Variants in SKIC2 observed in about 807,000 individuals in gnomAD.
SKIC2 encodes superkiller complex protein 2.
At chr6:31,968,736 G>A in the SKIC2 span, 1 of 1,612,986 alleles carries the variant, frequency 6.2e-7, no homozygotes, top group East Asian at 2.2e-5. This position sits in a 1 kb window ranked among gnomAD's most constrained non-coding sequence, Gnocchi z 6.1. Context: ...TGGAGCGGCT[G>A]CGCTTCCTAC....
chr6:31,969,606 G>C, the SKIC2 span: 2 of 1,613,004 alleles, frequency 1.2e-6, no homozygotes, highest in Admixed American at 1.7e-5. This position sits in a 1 kb window ranked among gnomAD's most constrained non-coding sequence, Gnocchi z 6.1. Flanking sequence ...CGCTCACTGC[G>C]GGGGGCAGCC....
the SKIC2 span, chr6:31,962,809 T>C: frequency 1.9e-6 from 3 of 1,597,890 alleles, no homozygotes; most frequent in Non-Finnish European, 2.6e-6. This position sits in a 1 kb window ranked among gnomAD's most constrained non-coding sequence, Gnocchi z 5.0. Context: ...GTAAGGGCCA[T>C]GGGCTCCCCA....
chr6:31,963,000 G>T, the SKIC2 span: 1 of 1,612,040 alleles, frequency 6.2e-7, no homozygotes, highest in Non-Finnish European at 8.5e-7. This position sits in a 1 kb window ranked among gnomAD's most constrained non-coding sequence, Gnocchi z 5.0. Context: ...GGTCGTGTGG[G>T]AGGAGGTGCT....
chr6:31,959,975 C>T, the SKIC2 span: 1 of 1,448,836 alleles, frequency 6.9e-7, no homozygotes, highest in Non-Finnish European at 9.7e-7. Flanking sequence ...ATCCTCTTTC[C>T]TTACCTAATG....
chr6:31,960,057 A>G, the SKIC2 span: 1 of 1,613,088 alleles, frequency 6.2e-7, no homozygotes, highest in South Asian at 1.1e-5. Context: ...AGCAAGAAGC[A>G]GAACAGTTGT....
the SKIC2 span, chr6:31,964,205 C>T: frequency 6.2e-7 from 1 of 1,610,946 alleles, no homozygotes; most frequent in Non-Finnish European, 8.5e-7. The surrounding 1 kb of genome is among the most constrained non-coding windows in gnomAD (Gnocchi z 5.0). Context: ...GACTCCATCC[C>T]TGACCATGGG....
the SKIC2 span, chr6:31,968,134 G>T: frequency 6.2e-7 from 1 of 1,608,446 alleles, no homozygotes; most frequent in Non-Finnish European, 8.5e-7. The surrounding 1 kb of genome is among the most constrained non-coding windows in gnomAD (Gnocchi z 6.1). Flanking sequence ...GTAGAGGCAG[G>T]GAGGGGCAGT....
At chr6:31,968,503 G>A in the SKIC2 span, 9 of 1,612,942 alleles carry the variant, frequency 5.6e-6, no homozygotes, top group Admixed American at 1.0e-4. The surrounding 1 kb of genome is among the most constrained non-coding windows in gnomAD (Gnocchi z 6.1). Context: ...GATCCAGGGG[G>A]CTCAGTGTGT....
the SKIC2 span, chr6:31,967,839 G>C: frequency 5.6e-6 from 9 of 1,612,920 alleles, no homozygotes; most frequent in Non-Finnish European, 7.6e-6. This position sits in a 1 kb window ranked among gnomAD's most constrained non-coding sequence, Gnocchi z 4.9. Context: ...GACCTCGTGG[G>C]ATTCAAGCTG....
At chr6:31,962,424 A>C in the SKIC2 span, 13 of 1,613,512 alleles carry the variant, frequency 8.1e-6, no homozygotes, top group Non-Finnish European at 1.1e-5. This position sits in a 1 kb window ranked among gnomAD's most constrained non-coding sequence, Gnocchi z 5.0. Context: ...GGCTAACTTC[A>C]TGCTCTCTTC....
chr6:31,969,597 G>C, the SKIC2 span: 9 of 1,613,322 alleles, frequency 5.6e-6, no homozygotes, highest in Non-Finnish European at 7.6e-6. The surrounding 1 kb of genome is among the most constrained non-coding windows in gnomAD (Gnocchi z 6.1). Context: ...GAGATGTGTC[G>C]CTCACTGCGG....
the SKIC2 span, chr6:31,967,798 G>A: frequency 1.9e-6 from 3 of 1,612,592 alleles, no homozygotes; most frequent in Non-Finnish European, 2.5e-6. The surrounding 1 kb of genome is among the most constrained non-coding windows in gnomAD (Gnocchi z 4.9). Context: ...AGGACAGGGG[G>A]CCAGCCACTG....
chr6:31,959,589 T>C, the SKIC2 span: 8 of 573,750 alleles, frequency 1.4e-5, no homozygotes, highest in South Asian at 9.1e-5. Flanking sequence ...CAGAAAGGGC[T>C]GGGGATATTT....
At chr6:31,965,702 A>G in the SKIC2 span, 1 of 807,540 alleles carries the variant, frequency 1.2e-6, no homozygotes, top group Non-Finnish European at 2.1e-6. The surrounding 1 kb of genome is among the most constrained non-coding windows in gnomAD (Gnocchi z 5.6). Context: ...TTATGCCTAC[A>G]AAGTAAGGTG....
At chr6:31,964,438 G>C in the SKIC2 span, 2 of 895,106 alleles carry the variant, frequency 2.2e-6, no homozygotes, top group Non-Finnish European at 3.6e-6. This position sits in a 1 kb window ranked among gnomAD's most constrained non-coding sequence, Gnocchi z 5.0. Flanking sequence ...GCAGGCCAGT[G>C]CTGTGGTTAA....
At chr6:31,968,056 C>A in the SKIC2 span, 1 of 1,612,994 alleles carries the variant, frequency 6.2e-7, no homozygotes, top group Admixed American at 1.7e-5. The surrounding 1 kb of genome is among the most constrained non-coding windows in gnomAD (Gnocchi z 6.1). Context: ...TGGAGGACTT[C>A]AGCAAGAGGC....
chr6:31,959,215 G>T, the SKIC2 span: 1 of 1,608,898 alleles, frequency 6.2e-7, no homozygotes, highest in Admixed American at 1.7e-5. Context: ...GAGCGACTTG[G>T]TGAGGGGGAG....
the SKIC2 span, chr6:31,966,723 G>A: frequency 1.9e-6 from 3 of 1,614,140 alleles, no homozygotes; most frequent in Non-Finnish European, 2.5e-6. This position sits in a 1 kb window ranked among gnomAD's most constrained non-coding sequence, Gnocchi z 5.9. Context: ...AGCCGTCCCA[G>A]CTGCAGTCCC....
chr6:31,962,378 G>A, the SKIC2 span: 1 of 1,579,492 alleles, frequency 6.3e-7, no homozygotes, highest in East Asian at 2.2e-5. This position sits in a 1 kb window ranked among gnomAD's most constrained non-coding sequence, Gnocchi z 5.0. Context: ...CTCCATGTGG[G>A]AGAGGAAGTG....
Sources: allele counts gnomAD v4.1 joint callset, GRCh38; gene constraint gnomAD v4.1.1; non-coding constraint Gnocchi (gnomAD v3.1); transcripts MANE v1.5; gene names NCBI Gene and HGNC (gene_info 2026-07-23, HGNC 2026-07-21).